Variants in OCM2 observed in about 807,000 individuals in gnomAD.
The protein encoded by OCM2 is oncomodulin-2.
Under a neutral mutation model 13.6 loss-of-function variants are expected in OCM2, and 6 were observed. The observed-to-expected ratio is 0.44, with a 90% CI of 0.24 to 0.87. OCM2 has a LOEUF of 0.87. OCM2 is among the 40% of genes least tolerant of loss of function. The pLI is 0.22. For missense variants in OCM2, 118 were observed against 136.8 expected (o/e 0.86, Z 0.68); for synonymous variants, 40 against 50.7 (o/e 0.79, Z 0.90).
At chr7:97,985,216 C>A (rs1584168907) in intron 3 of OCM2, among the ~76,000 whole-genome samples, 2 of 151,930 alleles carry the variant, frequency 1.3e-5, no homozygotes, top group Non-Finnish European at 2.9e-5. Flanking sequence ...ATCATGAGAT[C>A]GAAACCATCC....
In OCM2 at chr7:97,990,120, A is replaced by G. The variant is rs1405713900; in HGVS notation, c.-16T>C. 7 of 1,612,228 alleles carry G rather than the reference A, an allele frequency of 4.3e-6. No homozygotes were observed. In the Admixed American group the frequency reaches 8.4e-5, roughly 19 times the overall value. On this transcript the variant is annotated 5_prime_UTR_variant, in exon 1 of 4. Coordinates refer to ENST00000257627, the Ensembl canonical transcript of OCM2. ...TGATGCTCATTTTCTACCTACTCAC[A>G]CAGAATAAACGAGAGGCGATAAGCC... is the stretch of plus-strand genomic sequence containing the variant.
intron 2 of OCM2, 22 bp from the exon 3 acceptor site, chr7:97,987,178 T>A: frequency 6.2e-7 from 1 of 1,613,084 alleles, no homozygotes; most frequent in Non-Finnish European, 8.5e-7. Flanking sequence ...TAAAGATCCA[T>A]GGGGATTTTC....
intron 2 of OCM2, among the ~76,000 whole-genome samples, chr7:97,987,641 A>C (rs999683581): frequency 6.6e-6 from 1 of 151,980 alleles, no homozygotes; most frequent in African/African-American, 2.4e-5. Context: ...GGTGTGAGCC[A>C]CAGTGCCTGG....
At chr7:97,989,685 G>A (rs12112779) in intron 1 of OCM2, among the ~76,000 whole-genome samples, 19,341 of 150,784 alleles carry the variant, frequency 0.13, 1,607 homozygotes, top group African/African-American at 0.24. Flanking sequence ...TTGGGATTAC[G>A]GATGTGAGCC....
At chr7:97,990,016 T>TGCGCC in intron 1 of OCM2, 28 bp downstream of exon 1, 1 of 1,083,840 alleles carries the variant, frequency 9.2e-7, no homozygotes, top group Non-Finnish European at 1.4e-6. Flanking sequence ...TGTGAGGAAA[T>TGCGCC]CCCACCCCCG....
exon 3 of OCM2, chr7:97,987,072 A>G (rs1215907285): frequency 5.0e-6 from 8 of 1,613,444 alleles, no homozygotes; most frequent in South Asian, 1.1e-5. Flanking sequence ...TCCCATCTCC[A>G]TCATTATCCG....
intron 2 of OCM2, 88 bp from the exon 3 acceptor site, chr7:97,987,244 C>G: frequency 6.7e-7 from 1 of 1,487,496 alleles, no homozygotes. Flanking sequence ...AGCATATCAT[C>G]TGTTTCCAGC....
At chr7:97,989,390 T>C (rs190670158) in intron 1 of OCM2, among the ~76,000 whole-genome samples, 4 of 140,222 alleles carry the variant, frequency 2.9e-5, no homozygotes, top group East Asian at 2.0e-4. Context: ...TATTTACTTA[T>C]TTATTTATTT....
At chr7:97,987,863 T>C (rs1290874514) in intron 2 of OCM2, among the ~76,000 whole-genome samples, 2 of 152,088 alleles carry the variant, frequency 1.3e-5, no homozygotes, top group African/African-American at 4.8e-5. Context: ...TTTAGTTTTT[T>C]AAAGTCCATT....
chr7:97,986,214 G>C (rs1405250289), intron 3 of OCM2, among the ~76,000 whole-genome samples: 9 of 152,096 alleles, frequency 5.9e-5, no homozygotes, highest in Non-Finnish European at 8.8e-5. Context: ...CGCCCAGCCC[G>C]TGGTTATGTT....
rs937209536 is a variant in OCM2 at position 97,990,174 on chromosome 7, AAC to A, written c.-72_-71del. 1 of 1,453,998 alleles carries A rather than the reference AAC, an allele frequency of 6.9e-7. No homozygotes were observed. The highest frequency in any genetic ancestry group is 1.4e-5 in the African/African-American group (1 of 71,752). 90.1% of individuals were successfully genotyped at this position (1,453,998 alleles called of 1,614,324 possible). On this transcript the variant is annotated 5_prime_UTR_variant, in exon 1 of 4. The change creates a premature stop within an existing upstream ORF in the 5' untranslated region. Coordinates refer to ENST00000257627, the Ensembl canonical transcript of OCM2. ...AACAGGAACGTGCACATCCAGGGGA[AAC>A]ACATCTTCCCAGGCCCACTGAAACT...
intron 1 of OCM2, among the ~76,000 whole-genome samples, chr7:97,989,378 C>CTTATTTAT (rs1358240592): frequency 1.3e-4 from 16 of 127,044 alleles, no homozygotes; most frequent in Middle Eastern, 4.2e-3. Flanking sequence ...CAGCCAAGCT[C>CTTATTTAT]TTATTTACTT....
At chr7:97,985,615 C>T (rs1352824867) in intron 3 of OCM2, among the ~76,000 whole-genome samples, 1 of 152,126 alleles carries the variant, frequency 6.6e-6, no homozygotes, top group Non-Finnish European at 1.5e-5. Context: ...CATGAATTCA[C>T]TGTAATTACC....
exon 1 of OCM2, chr7:97,990,094 G>A (rs765570624): frequency 1.2e-5 from 18 of 1,563,414 alleles, no homozygotes; most frequent in South Asian, 3.3e-5. Context: ...GAGCACGTCC[G>A]TGATGCTCAT....
chr7:97,985,089 G>A (rs571799123), intron 3 of OCM2, 106 bp from the exon 4 acceptor site: 1 of 1,326,602 alleles, frequency 7.5e-7, no homozygotes, highest in African/African-American at 1.4e-5. Flanking sequence ...AAAGAAAATT[G>A]TCAGATGATG....
chr7:97,990,016 T>TGGCCCCCCCCCCCCCC, intron 1 of OCM2, 28 bp downstream of exon 1: 1 of 1,083,840 alleles, frequency 9.2e-7, no homozygotes, highest in Non-Finnish European at 1.4e-6. Context: ...TGTGAGGAAA[T>TGGCCCCCCCCCCCCCC]CCCACCCCCG....
intron 1 of OCM2, among the ~76,000 whole-genome samples, chr7:97,989,599 A>T (rs1232236182): frequency 6.6e-6 from 1 of 151,552 alleles, no homozygotes; most frequent in Non-Finnish European, 1.5e-5. Flanking sequence ...GTAGAGATGG[A>T]GTCTTGTTAT....
At chr7:97,988,436 A>G in exon 2 of OCM2, 1 of 1,614,162 alleles carries the variant, frequency 6.2e-7, no homozygotes, top group Non-Finnish European at 8.5e-7. Flanking sequence ...CTTCATCCAG[A>G]TACCCGCTCT....
chr7:97,990,016 T>TGGCGCCCCCCC, intron 1 of OCM2, 28 bp downstream of exon 1: 6 of 1,083,840 alleles, frequency 5.5e-6, no homozygotes, highest in Non-Finnish European at 8.4e-6. Context: ...TGTGAGGAAA[T>TGGCGCCCCCCC]CCCACCCCCG....
Sources: gnomAD v4.1 joint callset for allele counts (sites outside exome capture counted in the v4.1 genomes callset) on GRCh38, gnomAD v4.1.1 for gene constraint, MANE v1.5 for transcripts, NCBI Gene and HGNC (gene_info 2026-07-23, HGNC 2026-07-21) for gene names.